The following AIMP1 variants were observed in gnomAD, a reference collection of about 807,000 sequenced individuals.
AIMP1 encodes aminoacyl tRNA synthase complex-interacting multifunctional protein 1.
Under a neutral mutation model 33.1 loss-of-function variants are expected in AIMP1, and 24 were observed. That is an observed-to-expected ratio of 0.73 (90% CI 0.53 to 1.02). AIMP1 has a LOEUF of 1.02. AIMP1 is among the 50% of genes least tolerant of loss of function. AIMP1 has a pLI of 0.00. For synonymous variants in AIMP1, 120 were observed against 121.5 expected, an observed-to-expected ratio of 0.99 and a Z score of 0.08; for missense variants, 367 against 364.8, an observed-to-expected ratio of 1.01 and a Z score of -0.05.
intron 6 of AIMP1, among the ~76,000 whole-genome samples, chr4:106,342,388 T>C (rs996956530): frequency 7.9e-5 from 12 of 152,206 alleles, no homozygotes; most frequent in African/African-American, 2.4e-4. Flanking sequence ...TGGTTCCAGC[T>C]TTTGCCCATT....
chr4:106,348,761 A>T lies in AIMP1; in HGVS notation c.*1069A>T, dbSNP rs3109951. The T allele has an allele frequency of 0.058, 8,798 of 152,192 alleles. 533 individuals carry two copies. Among genetic ancestry groups the T allele is most frequent in the East Asian group, 0.28 (1,433 of 5,148 alleles). The allele number at this position is 152,192 out of a possible 1,614,324, so 9.4% of individuals were successfully genotyped here. A position where few individuals can be genotyped will look rare whatever the true frequency, so the allele number is the denominator to read the frequency against. ...TGTGGATAGGGGAGGGCTGGTAGCT[A>T]ACAAGGGGCCTCACAGAGAAATATT... On this transcript the variant is annotated 3_prime_UTR_variant, in exon 7 of 7. Coordinates refer to ENST00000672341, the MANE Select transcript of AIMP1 (RefSeq NM_001142416.2).
At chr4:106,346,748 G>A (rs1394021369) in intron 6 of AIMP1, among the ~76,000 whole-genome samples, 3 of 152,096 alleles carry the variant, frequency 2.0e-5, no homozygotes, top group East Asian at 3.9e-4. Context: ...GCTTCTGCCA[G>A]TTGTAAAAAT....
At chr4:106,331,022 A>T (rs1262645435) in intron 4 of AIMP1, among the ~76,000 whole-genome samples, 1 of 152,210 alleles carries the variant, frequency 6.6e-6, no homozygotes, top group Non-Finnish European at 1.5e-5. Flanking sequence ...TTAAATAGTT[A>T]CTGTGGATAA....
intron 1 of AIMP1, among the ~76,000 whole-genome samples, chr4:106,317,115 C>T (rs942200202): frequency 1.3e-5 from 2 of 152,080 alleles, no homozygotes; most frequent in African/African-American, 4.8e-5. Context: ...TGAAGAGAAA[C>T]GTAAAGCAGG....
intron 6 of AIMP1, among the ~76,000 whole-genome samples, chr4:106,338,836 C>T (rs1452968975): frequency 6.6e-6 from 1 of 152,214 alleles, no homozygotes; most frequent in Non-Finnish European, 1.5e-5. Flanking sequence ...GTGAAAGCAG[C>T]TGGGATGGTG....
intron 5 of AIMP1, among the ~76,000 whole-genome samples, chr4:106,334,131 T>G (rs1320337081): frequency 1.3e-5 from 2 of 152,232 alleles, no homozygotes; most frequent in African/African-American, 4.8e-5. Context: ...ATTGCTACTC[T>G]GCTGCTTGTT....
At chr4:106,331,087 T>C (rs1769655936) in intron 4 of AIMP1, among the ~76,000 whole-genome samples, 1 of 152,230 alleles carries the variant, frequency 6.6e-6, no homozygotes, top group South Asian at 2.1e-4. Context: ...AAATTAATTA[T>C]GTACTTACTA....
chr4:106,324,999 T>A lies in AIMP1; in HGVS notation c.-11T>A. The A allele has an allele frequency of 6.2e-7, 1 of 1,600,858 alleles. No individual in the cohort carries two copies. On this transcript the variant is annotated 5_prime_UTR_variant, in exon 2 of 7. Transcript: ENST00000672341. ...TTTTCCTATAGGATTTTCTGCCGTC[T>A]CTTGGCAAAAATGGCAAATAATGAT...
intron 1 of AIMP1, among the ~76,000 whole-genome samples, chr4:106,324,206 C>T (rs993659590): frequency 1.3e-5 from 2 of 151,832 alleles, no homozygotes; most frequent in African/African-American, 2.4e-5. Flanking sequence ...CATTGTTATA[C>T]CTTGAATTAT....
At chr4:106,322,487 A>T (rs913608156) in intron 1 of AIMP1, among the ~76,000 whole-genome samples, 27 of 152,186 alleles carry the variant, frequency 1.8e-4, no homozygotes, top group African/African-American at 5.5e-4. Context: ...TTTAAATGAT[A>T]ATTAATCAAC....
rs1770369437 is a variant in AIMP1, at chr4:106,347,972, A to G, written c.*280A>G. Reference sequence around the variant, plus strand: ...TGATTAGCAGCTTTTTTTTCTTTATACACATAGATAACTAACTAGATTAAT... The same window carrying G: ...TGATTAGCAGCTTTTTTTTCTTTATGCACATAGATAACTAACTAGATTAAT... On this transcript the variant is annotated 3_prime_UTR_variant, in exon 7 of 7. Transcript: ENST00000672341. 1 of 264,308 alleles carries G rather than the reference A, an allele frequency of 3.8e-6. No homozygotes were observed. Among genetic ancestry groups the G allele is most frequent in the Non-Finnish European group, 7.3e-6 (1 of 137,028 alleles). 16.4% of individuals were successfully genotyped at this position (264,308 alleles called of 1,614,324 possible).
chr4:106,339,006 C>T (rs550543571), intron 6 of AIMP1, among the ~76,000 whole-genome samples: 114 of 152,250 alleles, frequency 7.5e-4, no homozygotes, highest in African/African-American at 2.6e-3. Context: ...TTGCATGGGG[C>T]CTATGGGCCC....
In AIMP1 at chr4:106,347,559, A is replaced by T; in HGVS notation, c.806A>T (p.Lys269Met). ...GACAAGGAGCTGAATCCTAAGAAGA[A>T]GATTTGGGAGCAGATCCAGCCTGAT... ...EPDKELNPKK[K>M]IWEQIQPDLH... Residue 269 changes from lysine (K) to methionine (M), a missense_variant, in exon 7 of 7, where the codon AAG (lysine) becomes ATG (methionine). Transcript: ENST00000672341. 6.2e-7 allele frequency: 1 copy of T among 1,613,284 alleles called. No homozygotes were observed. Among genetic ancestry groups the T allele is most frequent in the Non-Finnish European group, 8.5e-7 (1 of 1,179,556 alleles).
chr4:106,345,085 G>A (rs1003704258), intron 6 of AIMP1, among the ~76,000 whole-genome samples: 2 of 152,204 alleles, frequency 1.3e-5, no homozygotes, highest in South Asian at 2.1e-4. Context: ...CACTATATAC[G>A]TGTTGTGTGT....
chr4:106,334,652 T>C (rs1196963205), intron 5 of AIMP1, among the ~76,000 whole-genome samples: 2 of 152,170 alleles, frequency 1.3e-5, no homozygotes, highest in African/African-American at 4.8e-5. Context: ...TGTAAGTAAA[T>C]ATTTAGTATG....
At chr4:106,325,628 A>G (rs779031034) in intron 2 of AIMP1, among the ~76,000 whole-genome samples, 4 of 151,992 alleles carry the variant, frequency 2.6e-5, no homozygotes, top group Non-Finnish European at 4.4e-5. Context: ...GTAGGTGGCC[A>G]TTTCCTAGCC....
intron 6 of AIMP1, among the ~76,000 whole-genome samples, chr4:106,342,864 A>C (rs1218630623): frequency 6.7e-6 from 1 of 150,098 alleles, no homozygotes; most frequent in Non-Finnish European, 1.5e-5. Context: ...AGTTCTTTGT[A>C]CATCTGGTAG....
intron 1 of AIMP1, chr4:106,321,356 T>A: frequency 6.5e-6 from 1 of 153,212 alleles, no homozygotes. Context: ...CTCTGCCCCG[T>A]CGCCCCGTCT....
intron 6 of AIMP1, among the ~76,000 whole-genome samples, chr4:106,340,682 A>T (rs1246620822): frequency 6.6e-6 from 1 of 152,074 alleles, no homozygotes; most frequent in Non-Finnish European, 1.5e-5. Flanking sequence ...TTTTAATCCA[A>T]TCCACTGTTG....
Sources: allele counts gnomAD v4.1 joint callset (sites outside exome capture counted in the v4.1 genomes callset), GRCh38; gene constraint gnomAD v4.1.1; transcripts MANE v1.5; gene names NCBI Gene and HGNC (gene_info 2026-07-23, HGNC 2026-07-21).